Variants in SMARCA2 observed in about 807,000 individuals in gnomAD.
The protein encoded by SMARCA2 is SWI/SNF-related matrix-associated actin-dependent regulator of chromatin subfamily A member 2.
SMARCA2 carries 61 observed loss-of-function variants against 199.8 expected under a neutral mutation model. The observed-to-expected ratio is 0.31, with a 90% CI of 0.25 to 0.38. SMARCA2 has a LOEUF of 0.38. Among genes scored for constraint, SMARCA2 ranks in the 10% least tolerant of loss-of-function variants. SMARCA2 has a pLI of 1.00. For synonymous variants in SMARCA2, 935 were observed against 732.0 expected, an observed-to-expected ratio of 1.28 and a Z score of -4.48; for missense variants, 1,344 against 2,012.2, an observed-to-expected ratio of 0.67 and a Z score of 6.35.
At position 2,170,422 on chromosome 9, in the gene SMARCA2, T is replaced by C; in HGVS notation, c.4203T>C (p.Cys1401=). The C allele has an allele frequency of 6.2e-7, 1 of 1,614,110 alleles. No homozygotes were observed. The highest frequency in any genetic ancestry group is 8.5e-7 in the Non-Finnish European group (1 of 1,179,992). Reference sequence around the variant, plus strand: ...TGTTCTTTCTACTCTACCGCAGGTGTAACGTGGAGAAGGTGCCCAGTAATT... The same window carrying C: ...TGTTCTTTCTACTCTACCGCAGGTGCAACGTGGAGAAGGTGCCCAGTAATT... ...IDTVINYKDR[C]NVEKVPSNSQ... Residue 1401 remains cysteine (C), a synonymous_variant, in exon 29 of 34, where the codon TGT becomes TGC. Transcript: ENST00000349721. The surrounding 1 kb of genome is among the most constrained non-coding windows in gnomAD (Gnocchi z 4.7).
chr9:2,119,554 A>T lies in SMARCA2; in HGVS notation c.3762+19A>T, dbSNP rs764210653. 1.3e-6 allele frequency: 2 copies of T among 1,508,796 alleles called. No individual in the cohort carries two copies. Among genetic ancestry groups the T allele is most frequent in the Non-Finnish European group, 1.8e-6 (2 of 1,084,412 alleles). The allele number at this position is 1,508,796 out of a possible 1,614,324, so 93.5% of individuals were successfully genotyped here. ...TTTTATGGTAATGTTACAGAAAATCATGAACACAAATGCTTTATACCTCTG... is the reference window on the plus strand; with the variant it reads ...TTTTATGGTAATGTTACAGAAAATCTTGAACACAAATGCTTTATACCTCTG... On this transcript the variant is annotated intron_variant, in intron 26 of 33. Transcript: ENST00000349721. This position sits in a 1 kb window ranked among gnomAD's most constrained non-coding sequence, Gnocchi z 4.6.
rs1048918326 is a variant in SMARCA2 at position 2,123,655 on chromosome 9, T to G, written c.3763-64T>G. On this transcript the variant is annotated intron_variant, in intron 26 of 33. Coordinates refer to ENST00000349721, the MANE Select transcript of SMARCA2 (RefSeq NM_003070.5). This position sits in a 1 kb window ranked among gnomAD's most constrained non-coding sequence, Gnocchi z 4.1. Reference sequence around the variant, plus strand: ...GAAGTGACTTGGGGAAGTTGTGTAGTGCTGGGAAGTCTGCACCATACAGAA... The same window carrying G: ...GAAGTGACTTGGGGAAGTTGTGTAGGGCTGGGAAGTCTGCACCATACAGAA... 2.7e-5 allele frequency: 38 copies of G among 1,403,828 alleles called. No homozygotes were observed. The South Asian group carries it at 4.4e-4, about 16-fold the overall frequency. 87.0% of individuals were successfully genotyped at this position (1,403,828 alleles called of 1,614,324 possible). A position where few individuals can be genotyped will look rare whatever the true frequency, so the allele number is the denominator to read the frequency against.
In SMARCA2 at chr9:2,104,286, C is replaced by A; in HGVS notation, c.3292+117C>A. Reference sequence around the variant, plus strand: ...GTAAAATTGAAGAATTGACTAGAAGCATTGGGAGCAGTTTTTCTAGATAGC... The same window carrying A: ...GTAAAATTGAAGAATTGACTAGAAGAATTGGGAGCAGTTTTTCTAGATAGC... On this transcript the variant is annotated intron_variant, in intron 23 of 33. Coordinates refer to ENST00000349721, the MANE Select transcript of SMARCA2 (RefSeq NM_003070.5). The surrounding 1 kb of genome is among the most constrained non-coding windows in gnomAD (Gnocchi z 4.0). 1.1e-6 allele frequency: 1 copy of A among 934,360 alleles called. No homozygotes were observed. The highest frequency in any genetic ancestry group is 1.6e-6 in the Non-Finnish European group (1 of 630,018). The allele number at this position is 934,360 out of a possible 1,614,324, so 57.9% of individuals were successfully genotyped here.
At chr9:2,062,572 A>G (rs1322642422) in intron 9 of SMARCA2, among the ~76,000 whole-genome samples, 2 of 152,196 alleles carry the variant, frequency 1.3e-5, no homozygotes, top group African/African-American at 4.8e-5. Context: ...GGGACTTGTC[A>G]CAATTGTTTT....
At position 2,186,077 on chromosome 9, in the gene SMARCA2, T is replaced by C. The variant is rs749084119; in HGVS notation, c.4462-19T>C. On this transcript the variant is annotated intron_variant, in intron 31 of 33. Coordinates refer to ENST00000349721, the MANE Select transcript of SMARCA2 (RefSeq NM_003070.5). Reference sequence around the variant, plus strand: ...TAACTCAGCTTGCAGTTTTAACAGATGCCCCTTTGACCATTTAGATCTATG... The same window carrying C: ...TAACTCAGCTTGCAGTTTTAACAGACGCCCCTTTGACCATTTAGATCTATG... The C allele has an allele frequency of 6.2e-7, 1 of 1,611,548 alleles. No homozygotes were observed. The highest frequency in any genetic ancestry group is 8.5e-7 in the Non-Finnish European group (1 of 1,178,396).
At chr9:2,052,365 A>G (rs958701494) in intron 5 of SMARCA2, among the ~76,000 whole-genome samples, 2 of 152,122 alleles carry the variant, frequency 1.3e-5, no homozygotes, top group Admixed American at 6.5e-5. Flanking sequence ...CCCCAGCTAC[A>G]TGGGAGGCTG....
rs568646367 is a variant in SMARCA2 at position 2,169,069 on chromosome 9, A to G, written c.4200-1350A>G. ...ACCATCATTAGCCCAAGGTCCTAAA[A>G]GTGAAATAATGAAGACTTTCCCAAT... is the stretch of plus-strand genomic sequence containing the variant. On this transcript the variant is annotated intron_variant, in intron 28 of 33. Coordinates refer to ENST00000349721, the MANE Select transcript of SMARCA2 (RefSeq NM_003070.5). This position sits in a 1 kb window ranked among gnomAD's most constrained non-coding sequence, Gnocchi z 6.5. 1.3e-5 allele frequency among the ~76,000 whole-genome samples: 2 copies of G among 152,306 alleles called. No individual in the cohort carries two copies. The highest frequency in any genetic ancestry group is 2.1e-4 in the South Asian group (1 of 4,822).
chr9:2,059,757 G>A (rs1820504288), intron 8 of SMARCA2, among the ~76,000 whole-genome samples: 3 of 152,136 alleles, frequency 2.0e-5, no homozygotes, highest in African/African-American at 7.2e-5. Context: ...ACTGAGTGAT[G>A]AAGCTGCTGT....
At chr9:2,141,904 C>G (rs1048204207) in intron 27 of SMARCA2, among the ~76,000 whole-genome samples, 4 of 152,152 alleles carry the variant, frequency 2.6e-5, no homozygotes, top group African/African-American at 9.7e-5. Flanking sequence ...CGCGTCAGAT[C>G]AGCAACAGGT....
chr9:2,064,086 T>C (rs555346362), intron 9 of SMARCA2, among the ~76,000 whole-genome samples: 6 of 152,342 alleles, frequency 3.9e-5, no homozygotes, highest in African/African-American at 1.4e-4. Context: ...TGTGCTATTA[T>C]GTGCGTTTAG....
chr9:2,085,432 A>G (rs914429937), intron 17 of SMARCA2, among the ~76,000 whole-genome samples: 1 of 152,222 alleles, frequency 6.6e-6, no homozygotes, highest in African/African-American at 2.4e-5. Flanking sequence ...CCTAATTAGT[A>G]GTAGACCCCA....
At chr9:2,049,406 T>A (rs1820021844) in intron 5 of SMARCA2, among the ~76,000 whole-genome samples, 1 of 152,200 alleles carries the variant, frequency 6.6e-6, no homozygotes, top group South Asian at 2.1e-4. Flanking sequence ...GTAAAAAGCT[T>A]TTGTTCTGCC....
rs1056556807 is a variant in SMARCA2, at chr9:2,170,079, C to T, written c.4200-340C>T. On this transcript the variant is annotated intron_variant, in intron 28 of 33. Transcript: ENST00000349721. This position sits in a 1 kb window ranked among gnomAD's most constrained non-coding sequence, Gnocchi z 4.7. ...AACTCAGATAGACTAGCACTACCTT[C>T]CCAAGATCACACGCACCTCTAGCCA... 2.6e-5 allele frequency among the ~76,000 whole-genome samples: 4 copies of T among 152,184 alleles called. No homozygotes were observed. Among genetic ancestry groups the T allele is most frequent in the African/African-American group, 9.7e-5 (4 of 41,438 alleles).
At position 2,169,368 on chromosome 9, in the gene SMARCA2, G is replaced by A; in HGVS notation, c.4200-1051G>A. On this transcript the variant is annotated intron_variant, in intron 28 of 33. Coordinates refer to ENST00000349721, the MANE Select transcript of SMARCA2 (RefSeq NM_003070.5). This position sits in a 1 kb window ranked among gnomAD's most constrained non-coding sequence, Gnocchi z 6.5. The stretch of plus-strand genomic sequence containing the variant: ...TACCCGATGATGACCAGACTTCTTA[G>A]CGTAGGAGAATTGTTATCTTCCACA... Among the ~76,000 whole-genome samples the A allele has an allele frequency of 6.6e-6, 1 of 152,286 alleles. No homozygotes were observed. Among genetic ancestry groups the A allele is most frequent in the South Asian group, 2.1e-4 (1 of 4,828 alleles).
intron 1 of SMARCA2, among the ~76,000 whole-genome samples, chr9:2,028,232 A>T (rs1818916957): frequency 6.6e-6 from 1 of 152,200 alleles, no homozygotes. Context: ...TGGCAAGAGG[A>T]TCACGTCTTA....
In SMARCA2 at chr9:2,169,756, C is replaced by CTA. The variant is rs1563822141; in HGVS notation, c.4200-662_4200-661dup. On this transcript the variant is annotated intron_variant, in intron 28 of 33. Coordinates refer to ENST00000349721, the MANE Select transcript of SMARCA2 (RefSeq NM_003070.5). This position sits in a 1 kb window ranked among gnomAD's most constrained non-coding sequence, Gnocchi z 6.5. Reference sequence around the variant, plus strand: ...TGCCACCACAAAAAGGGACACCAACCTAGCAGTTTCAAAAATCCTCAACTG... The same window carrying CTA: ...TGCCACCACAAAAAGGGACACCAACCTATAGCAGTTTCAAAAATCCTCAACTG... Among the ~76,000 whole-genome samples the CTA allele has an allele frequency of 6.6e-6, 1 of 152,192 alleles. No individual in the cohort carries two copies. Among genetic ancestry groups the CTA allele is most frequent in the African/African-American group, 2.4e-5 (1 of 41,452 alleles).
At chr9:2,152,635 T>G (rs1825135985) in intron 27 of SMARCA2, among the ~76,000 whole-genome samples, 1 of 151,930 alleles carries the variant, frequency 6.6e-6, no homozygotes, top group African/African-American at 2.4e-5. Context: ...GCGGATCACC[T>G]GAGGTCAGAA....
intron 27 of SMARCA2, chr9:2,160,533 G>A (rs1404072590): frequency 3.0e-6 from 2 of 675,294 alleles, no homozygotes; most frequent in Non-Finnish European, 5.4e-6. Flanking sequence ...AAGAAATTAT[G>A]TCTGAGCTGT....
In SMARCA2 at chr9:2,170,399, T is replaced by C. The variant is rs1282473064; in HGVS notation, c.4200-20T>C. The C allele has an allele frequency of 6.2e-7, 1 of 1,614,038 alleles. No homozygotes were observed. The highest frequency in any genetic ancestry group is 8.5e-7 in the Non-Finnish European group (1 of 1,179,954). ...GAACCCAGGTCTTCTGACTCTAGTG[T>C]TCTTTCTACTCTACCGCAGGTGTAA... On this transcript the variant is annotated intron_variant, in intron 28 of 33. Coordinates refer to ENST00000349721, the MANE Select transcript of SMARCA2 (RefSeq NM_003070.5). The surrounding 1 kb of genome is among the most constrained non-coding windows in gnomAD (Gnocchi z 4.7).
Sources: gnomAD v4.1 joint callset for allele counts (sites outside exome capture counted in the v4.1 genomes callset) on GRCh38, gnomAD v4.1.1 for gene constraint, Gnocchi (gnomAD v3.1) non-coding constraint, MANE v1.5 for transcripts, NCBI Gene and HGNC (gene_info 2026-07-23, HGNC 2026-07-21) for gene names.